Variants in GYPC observed in about 807,000 individuals in gnomAD.
GYPC encodes the protein glycophorin C (Gerbich blood group).
Under a neutral mutation model 12.6 loss-of-function variants are expected in GYPC, and 14 were observed. That is an observed-to-expected ratio of 1.11 (90% CI 0.74 to 1.74). The LOEUF (loss-of-function observed/expected upper bound fraction) is 1.74. GYPC is among the 40% of genes most tolerant of loss of function. The pLI is 0.00. For missense variants in GYPC, 225 were observed against 172.1 expected, an observed-to-expected ratio of 1.31 and a Z score of -1.72; for synonymous variants, 78 against 62.1, an observed-to-expected ratio of 1.26 and a Z score of -1.20.
intron 1 of GYPC, among the ~76,000 whole-genome samples, chr2:126,666,678 C>T (rs970562202): frequency 6.7e-6 from 1 of 150,308 alleles, no homozygotes; most frequent in Non-Finnish European, 1.5e-5. Context: ...TGCTGGCCTT[C>T]CATTCTCCTG....
intron 3 of GYPC, among the ~76,000 whole-genome samples, chr2:126,695,196 G>A (rs143738005): frequency 5.9e-5 from 9 of 152,128 alleles, no homozygotes; most frequent in African/African-American, 1.4e-4. Flanking sequence ...TTTTCCCCCT[G>A]TATAGTGTAC....
At chr2:126,684,395 C>T (rs1683229716) in intron 1 of GYPC, among the ~76,000 whole-genome samples, 1 of 152,130 alleles carries the variant, frequency 6.6e-6, no homozygotes, top group African/African-American at 2.4e-5. Flanking sequence ...GGTGATCAGG[C>T]ATCCAGGGAA....
In GYPC at chr2:126,696,035, A is replaced by G. The variant is rs1683633765; in HGVS notation, c.280A>G (p.Asn94Asp). 1.9e-6 allele frequency: 3 copies of G among 1,613,928 alleles called. No homozygotes were observed. Among genetic ancestry groups the G allele is most frequent in the Admixed American group, 1.7e-5 (1 of 60,006 alleles). ...CCGGCACAAGGGCACGTACCACACC[A>G]ATGAGGCCAAGGGCACGGAGTTTGC... ...MYRHKGTYHT[N>D]EAKGTEFAES... Residue 94 changes from asparagine (N) to aspartate (D), a missense_variant, in exon 4 of 4, where the codon AAT (asparagine) becomes GAT (aspartate). Physicochemically the swap from Asn to Asp is conservative, Grantham distance 23 (BLOSUM62 1). Transcript: ENST00000259254.
chr2:126,659,237 G>C (rs1040573934), intron 1 of GYPC, among the ~76,000 whole-genome samples: 6 of 152,196 alleles, frequency 3.9e-5, no homozygotes, highest in African/African-American at 1.2e-4. Context: ...TTCCATAAGA[G>C]GTTGTATTAC....
chr2:126,683,731 T>G (rs1198599872), intron 1 of GYPC, among the ~76,000 whole-genome samples: 1 of 152,210 alleles, frequency 6.6e-6, no homozygotes, highest in Non-Finnish European at 1.5e-5. Context: ...CAGCCTCACT[T>G]TCTTTCCAGT....
intron 1 of GYPC, 122 bp from the exon 2 acceptor site, chr2:126,690,133 G>C (rs1683412609): frequency 2.6e-6 from 2 of 775,028 alleles, no homozygotes; most frequent in South Asian, 1.4e-5. Flanking sequence ...CACTGTCTCT[G>C]TCCACTTGAA....
intron 1 of GYPC, among the ~76,000 whole-genome samples, chr2:126,684,027 C>T (rs568330561): frequency 5.3e-5 from 8 of 152,228 alleles, no homozygotes; most frequent in South Asian, 4.2e-4. Flanking sequence ...GTTTTGATAC[C>T]GCAGCAGCAG....
chr2:126,680,215 T>C lies in GYPC; in HGVS notation c.50-10040T>C, dbSNP rs1014989117. 6 of 152,170 alleles carry C rather than the reference T, an allele frequency of 3.9e-5. No individual in the cohort carries two copies. In the East Asian group the frequency reaches 5.8e-4, roughly 15 times the overall value. 9.4% of individuals were successfully genotyped at this position (152,170 alleles called of 1,614,324 possible). A position where few individuals can be genotyped will look rare whatever the true frequency, so the allele number is the denominator to read the frequency against. On this transcript the variant is annotated intron_variant, in intron 1 of 3. Transcript: ENST00000259254. ...AATGAAAGAAAGATTCATTATATCT[T>C]GGAAAAGGAAGCCAATGATGTGAAT...
At chr2:126,672,086 GA>G (rs1350683975) in intron 1 of GYPC, among the ~76,000 whole-genome samples, 2 of 151,550 alleles carry the variant, frequency 1.3e-5, no homozygotes, top group Non-Finnish European at 2.9e-5. Flanking sequence ...ATGAGGGAGG[GA>G]AAAGGTAACT....
intron 1 of GYPC, among the ~76,000 whole-genome samples, chr2:126,683,715 T>G (rs1051734049): frequency 2.0e-5 from 3 of 152,216 alleles, no homozygotes; most frequent in African/African-American, 7.2e-5. Flanking sequence ...AAGTTCTAAG[T>G]CACGGCAGCC....
chr2:126,689,443 G>A (rs989233796), intron 1 of GYPC, among the ~76,000 whole-genome samples: 1 of 152,038 alleles, frequency 6.6e-6, no homozygotes, highest in African/African-American at 2.4e-5. Context: ...TTTGGATGTG[G>A]TTTGACCCTG....
intron 1 of GYPC, among the ~76,000 whole-genome samples, chr2:126,668,561 A>T (rs1682749219): frequency 6.6e-6 from 1 of 152,250 alleles, no homozygotes. Context: ...ACAGCTGTTT[A>T]TCACTTTACC....
At chr2:126,692,478 A>ACTAT (rs1683501186) in intron 2 of GYPC, among the ~76,000 whole-genome samples, 6 of 152,174 alleles carry the variant, frequency 3.9e-5, no homozygotes, top group African/African-American at 1.4e-4. Context: ...TGATTATCTG[A>ACTAT]GTGGAAATGA....
At chr2:126,675,617 G>T (rs1202481350) in intron 1 of GYPC, 1 of 867,374 alleles carries the variant, frequency 1.2e-6, no homozygotes, top group African/African-American at 1.8e-5. Flanking sequence ...TCCCTACCCT[G>T]CTTCAAAACT....
At chr2:126,665,690 G>A (rs986577635) in intron 1 of GYPC, among the ~76,000 whole-genome samples, 2 of 152,238 alleles carry the variant, frequency 1.3e-5, no homozygotes, top group East Asian at 3.8e-4. Flanking sequence ...CAGCAGACTC[G>A]GCACAGGTGC....
intron 1 of GYPC, 27 bp downstream of exon 1, chr2:126,656,339 C>T: frequency 6.4e-7 from 1 of 1,573,572 alleles, no homozygotes; most frequent in Non-Finnish European, 8.6e-7. Context: ...GGGAAGGGTC[C>T]TGGGGACCCA....
chr2:126,686,208 C>T (rs1050894152), intron 1 of GYPC: 6 of 984,986 alleles, frequency 6.1e-6, no homozygotes, highest in East Asian at 1.1e-4. Context: ...TCAGGGCTAG[C>T]ACCTGACCCC....
chr2:126,688,583 T>C (rs192940069), intron 1 of GYPC, among the ~76,000 whole-genome samples: 7 of 152,282 alleles, frequency 4.6e-5, no homozygotes, highest in South Asian at 2.1e-4. Flanking sequence ...CCCTGCCTGG[T>C]TCCTGGTTCC....
intron 1 of GYPC, among the ~76,000 whole-genome samples, chr2:126,664,057 G>C (rs749077902): frequency 6.6e-6 from 1 of 151,678 alleles, no homozygotes; most frequent in Non-Finnish European, 1.5e-5. Flanking sequence ...ACTCCTGGGA[G>C]GGGAGCCAGG....
Sources: allele counts gnomAD v4.1 joint callset (sites outside exome capture counted in the v4.1 genomes callset), GRCh38; gene constraint gnomAD v4.1.1; transcripts MANE v1.5; gene names NCBI Gene and HGNC (gene_info 2026-07-23, HGNC 2026-07-21).